LEPR: variants seen among roughly 807,000 people sequenced by gnomAD.
LEPR encodes OB receptor.
In LEPR, 56 loss-of-function variants were observed where a neutral mutation model predicts 114.7. That is an observed-to-expected ratio of 0.49 (90% CI 0.39 to 0.61). The LOEUF is 0.61. LEPR is among the 20% of genes least tolerant of loss of function. The pLI, the probability that LEPR is intolerant of heterozygous loss-of-function variation, is 0.00. For synonymous variants in LEPR, 443 were observed against 461.4 expected, an observed-to-expected ratio of 0.96 and a Z score of 0.51; for missense variants, 1,202 against 1,352.9, an observed-to-expected ratio of 0.89 and a Z score of 1.75.
intron 5 of LEPR, among the ~76,000 whole-genome samples, chr1:65,588,649 A>G (rs1655482768): frequency 6.6e-6 from 1 of 152,014 alleles, no homozygotes; most frequent in Non-Finnish European, 1.5e-5. Context: ...CACATAGCCT[A>G]CTATTACTCT....
At chr1:65,574,137 T>C (rs145092401) in intron 5 of LEPR, among the ~76,000 whole-genome samples, 12 of 152,162 alleles carry the variant, frequency 7.9e-5, no homozygotes, top group African/African-American at 2.9e-4. Flanking sequence ...CTAGTTAAGC[T>C]GGTGAGAGAA....
Position 65,636,802 on chromosome 1 carries a change from T to G in LEPR, c.3285T>G (p.Thr1095=), listed in dbSNP as rs199571241. Residue 1095 remains threonine, a synonymous_variant, in exon 20 of 20, where the codon ACT becomes ACG. Transcript: ENST00000349533. ...IKKRESGVLL[T]DKSRVSCPFP... ...AGAGAGAGAGTGGTGTGCTTTTGACTGACAAGTCAAGGGTATCGTGCCCAT... is the reference window on the plus strand; with the variant it reads ...AGAGAGAGAGTGGTGTGCTTTTGACGGACAAGTCAAGGGTATCGTGCCCAT... 8 of 1,614,046 alleles carry G rather than the reference T, an allele frequency of 5.0e-6. No homozygotes were observed. Among genetic ancestry groups the G allele is most frequent in the Non-Finnish European group, 6.8e-6 (8 of 1,179,986 alleles).
intron 2 of LEPR, among the ~76,000 whole-genome samples, chr1:65,495,286 A>G (rs1367096335): frequency 6.6e-6 from 1 of 152,204 alleles, no homozygotes; most frequent in African/African-American, 2.4e-5. Flanking sequence ...TGGCCAACAG[A>G]TGGAAGAAAA....
Position 65,608,905 on chromosome 1 carries a change from C to T in LEPR, c.1752+4C>T. On this transcript the variant is annotated splice_donor_region_variant and intron_variant, in intron 12 of 19. Transcript: ENST00000349533. ...TGGAAAAGAAGTACAATGGAAGGTACCTTTTACTTAGAACTTCAGCTTTCC... is the reference window on the plus strand; with the variant it reads ...TGGAAAAGAAGTACAATGGAAGGTATCTTTTACTTAGAACTTCAGCTTTCC... 3 of 1,613,448 alleles carry T rather than the reference C, an allele frequency of 1.9e-6. No homozygotes were observed. Among genetic ancestry groups the T allele is most frequent in the Non-Finnish European group, 2.5e-6 (3 of 1,179,718 alleles).
intron 2 of LEPR, among the ~76,000 whole-genome samples, chr1:65,452,216 G>A (rs183645684): frequency 2.8e-4 from 43 of 152,242 alleles, no homozygotes; most frequent in African/African-American, 1.0e-3. Context: ...CAATCCTGTC[G>A]TCTGCAAACA....
At position 65,570,481 on chromosome 1, in the gene LEPR, T is replaced by TAACAG. The variant is rs1315355752; in HGVS notation, c.50_51insACAGA (p.Tyr17Ter). ...TTTTAATATCCTAACAGAATTTATTTATGTGATAACTGCGTTTAACTTGTC... is the reference window on the plus strand; with the variant it reads ...TTTTAATATCCTAACAGAATTTATTTAACAGATGTGATAACTGCGTTTAACTTGTC... On this transcript the variant is annotated stop_gained and frameshift_variant, in exon 4 of 20. Coordinates refer to ENST00000349533, the MANE Select transcript of LEPR (RefSeq NM_002303.6). LOFTEE classifies it high-confidence loss of function. 1 of 1,613,426 alleles carries TAACAG rather than the reference T, an allele frequency of 6.2e-7. No homozygotes were observed. The highest frequency in any genetic ancestry group is 1.1e-5 in the South Asian group (1 of 90,966).
intron 2 of LEPR, among the ~76,000 whole-genome samples, chr1:65,541,890 A>G (rs1047552877): frequency 1.3e-5 from 2 of 152,190 alleles, no homozygotes; most frequent in South Asian, 2.1e-4. Flanking sequence ...TTTGAGATCA[A>G]TGGAGCAAGT....
rs1287453765 is a variant in LEPR at position 65,592,815 on chromosome 1, G to A, written c.653G>A (p.Gly218Asp). ...TLLMCLKITSGGVIFQSPLMS... is the reference protein window; with the variant it reads ...TLLMCLKITSDGVIFQSPLMS... Reference sequence around the variant, plus strand: ...CTTATGTGTTTGAAAATCACATCTGGTGGAGTAATTTTCCAGTCACCTCTA... The same window carrying A: ...CTTATGTGTTTGAAAATCACATCTGATGGAGTAATTTTCCAGTCACCTCTA... Residue 218 changes from glycine to aspartate, a missense_variant, in exon 6 of 20, where the codon GGT becomes GAT. Transcript: ENST00000349533. The A allele has an allele frequency of 6.2e-7, 1 of 1,613,230 alleles. No individual in the cohort carries two copies. Among genetic ancestry groups the A allele is most frequent in the Middle Eastern group, 1.7e-4 (1 of 6,058 alleles).
At chr1:65,539,811 G>A (rs538672478) in intron 2 of LEPR, among the ~76,000 whole-genome samples, 4 of 152,176 alleles carry the variant, frequency 2.6e-5, no homozygotes, top group South Asian at 4.2e-4. Context: ...TGAGCTCCCC[G>A]GAGCTCAGAG....
intron 2 of LEPR, among the ~76,000 whole-genome samples, chr1:65,450,556 T>C (rs1276293051): frequency 1.7e-4 from 24 of 142,000 alleles, no homozygotes; most frequent in African/African-American, 5.9e-4. Context: ...GATAGTTTAC[T>C]GAGAATGATG....
At chr1:65,526,875 A>G (rs1650008021) in intron 2 of LEPR, among the ~76,000 whole-genome samples, 1 of 152,242 alleles carries the variant, frequency 6.6e-6, no homozygotes, top group Non-Finnish European at 1.5e-5. Flanking sequence ...TTCATGAAAT[A>G]AAAACAATCT....
chr1:65,466,976 A>C (rs1015376269), intron 2 of LEPR, among the ~76,000 whole-genome samples: 7 of 152,126 alleles, frequency 4.6e-5, no homozygotes, highest in Non-Finnish European at 5.9e-5. Flanking sequence ...GAGTTAGAAC[A>C]TGCTGCTTTA....
At chr1:65,437,528 A>G (rs1646580591) in intron 2 of LEPR, among the ~76,000 whole-genome samples, 1 of 151,984 alleles carries the variant, frequency 6.6e-6, no homozygotes, top group Non-Finnish European at 1.5e-5. Flanking sequence ...ACAAAAGGCC[A>G]TAAAAGGTCA....
chr1:65,453,126 T>A lies in LEPR; in HGVS notation c.-21+27748T>A, dbSNP rs1204685316. Among the ~76,000 whole-genome samples the A allele has an allele frequency of 2.0e-5, 3 of 152,230 alleles. No individual in the cohort carries two copies. The East Asian group carries it at 5.8e-4, about 29-fold the overall frequency. Reference sequence around the variant, plus strand: ...TATTTCTGTGGGATTGGTGGTGATATCCCCTTTATCATTTTTTATTGCGTC... The same window carrying A: ...TATTTCTGTGGGATTGGTGGTGATAACCCCTTTATCATTTTTTATTGCGTC... On this transcript the variant is annotated intron_variant, in intron 2 of 19. Transcript: ENST00000349533.
intron 2 of LEPR, among the ~76,000 whole-genome samples, chr1:65,489,141 T>A (rs1193236353): frequency 3.3e-5 from 5 of 152,178 alleles, no homozygotes; most frequent in Non-Finnish European, 7.4e-5. Flanking sequence ...TACCTAGCAG[T>A]AGGATTGCTA....
chr1:65,599,837 T>C (rs1011996217), intron 8 of LEPR, among the ~76,000 whole-genome samples: 3 of 152,158 alleles, frequency 2.0e-5, no homozygotes, highest in Admixed American at 6.5e-5. Flanking sequence ...AAAATGTGTA[T>C]CTATATTATT....
intron 19 of LEPR, chr1:65,635,285 A>T: frequency 1.0e-6 from 1 of 981,292 alleles, no homozygotes; most frequent in South Asian, 4.7e-5. Flanking sequence ...TGATGTATCA[A>T]CAGCTTTTTT....
intron 8 of LEPR, 95 bp from the exon 9 acceptor site, chr1:65,601,297 A>G: frequency 7.0e-7 from 1 of 1,438,254 alleles, no homozygotes; most frequent in Admixed American, 1.8e-5. Context: ...TTGGCAGTGT[A>G]ACTCTGGAAT....
chr1:65,545,347 G>C (rs1419155189), intron 2 of LEPR, among the ~76,000 whole-genome samples: 1 of 152,038 alleles, frequency 6.6e-6, no homozygotes, highest in Non-Finnish European at 1.5e-5. Flanking sequence ...GGGTCAAATG[G>C]TATTTCTAGT....
Sources: allele counts gnomAD v4.1 joint callset (sites outside exome capture counted in the v4.1 genomes callset), GRCh38; gene constraint gnomAD v4.1.1; transcripts MANE v1.5; gene names NCBI Gene and HGNC (gene_info 2026-07-23, HGNC 2026-07-21).